RAB11FIP4: variants seen among roughly 807,000 people sequenced by gnomAD.
RAB11FIP4 encodes rab11 family-interacting protein 4.
RAB11FIP4 carries 23 observed loss-of-function variants against 74.3 expected under a neutral mutation model. That is an observed-to-expected ratio of 0.31 (90% CI 0.22 to 0.44). The LOEUF (loss-of-function observed/expected upper bound fraction) is 0.44. Ranked by LOEUF, RAB11FIP4 falls within the 20% of genes least tolerant of loss-of-function variation. The pLI is 1.00. For missense variants in RAB11FIP4, 630 were observed against 863.9 expected (o/e 0.73, Z 3.39); for synonymous variants, 360 against 359.9 (o/e 1.00, Z 0.00).
At chr17:31,437,284 G>A (rs1442525473) in intron 3 of RAB11FIP4, among the ~76,000 whole-genome samples, 2 of 152,150 alleles carry the variant, frequency 1.3e-5, no homozygotes, top group East Asian at 1.9e-4. Flanking sequence ...CCAGCCTGAC[G>A]GGGCAGACGG....
chr17:31,523,728 G>A (rs1420413374), intron 8 of RAB11FIP4, 117 bp downstream of exon 8: 8 of 1,131,792 alleles, frequency 7.1e-6, no homozygotes, highest in African/African-American at 1.5e-5. Context: ...TAGGAATTGG[G>A]GGCAGGTGGC....
chr17:31,504,940 A>G (rs528109152), intron 3 of RAB11FIP4, among the ~76,000 whole-genome samples: 32 of 152,250 alleles, frequency 2.1e-4, no homozygotes, highest in South Asian at 2.1e-4. Context: ...GCCTGCCTCA[A>G]CCTTTAGAAA....
intron 3 of RAB11FIP4, among the ~76,000 whole-genome samples, chr17:31,480,554 G>A (rs944381480): frequency 5.9e-5 from 9 of 152,176 alleles, no homozygotes; most frequent in Middle Eastern, 3.4e-3. Flanking sequence ...CTTTGAGGCC[G>A]AGGTGGGTGG....
intron 3 of RAB11FIP4, among the ~76,000 whole-genome samples, chr17:31,499,419 A>T (rs902510228): frequency 1.3e-5 from 2 of 151,894 alleles, no homozygotes; most frequent in African/African-American, 4.8e-5. Flanking sequence ...ACAGTGGCAC[A>T]GTCTCAGCTC....
intron 3 of RAB11FIP4, among the ~76,000 whole-genome samples, chr17:31,451,408 G>C (rs1410992261): frequency 6.8e-6 from 1 of 146,166 alleles, no homozygotes; most frequent in Non-Finnish European, 1.5e-5. Flanking sequence ...GCAGTGAGCC[G>C]AGATGGCGCC....
Position 31,535,255 on chromosome 17 carries a change from C to T in RAB11FIP4, c.*3523C>T, listed in dbSNP as rs1035776503. 5 of 119,748 alleles carry T rather than the reference C, an allele frequency of 4.2e-5. No individual in the cohort carries two copies. Among genetic ancestry groups the T allele is most frequent in the African/African-American group, 1.7e-4 (5 of 29,032 alleles). The allele number at this position is 119,748 out of a possible 1,614,324, so 7.4% of individuals were successfully genotyped here. Reference sequence around the variant, plus strand: ...GCAACATAGTGATACCTTGTCTCTACCAAAAGTTAAAAAAAAAAAAAAAAA... The same window carrying T: ...GCAACATAGTGATACCTTGTCTCTATCAAAAGTTAAAAAAAAAAAAAAAAA... On this transcript the variant is annotated 3_prime_UTR_variant, in exon 15 of 15. Transcript: ENST00000621161.
chr17:31,425,106 G>A (rs977098125), intron 1 of RAB11FIP4, among the ~76,000 whole-genome samples: 2 of 152,278 alleles, frequency 1.3e-5, no homozygotes, highest in South Asian at 2.1e-4. Context: ...CGTCTTCTAC[G>A]AACTGTGTGA....
At chr17:31,455,029 G>A (rs2071566045) in intron 3 of RAB11FIP4, among the ~76,000 whole-genome samples, 1 of 152,120 alleles carries the variant, frequency 6.6e-6, no homozygotes, top group Admixed American at 6.5e-5. Context: ...CTGTAGGGGA[G>A]GAAAAACTTC....
chr17:31,454,079 C>T (rs1351710189), intron 3 of RAB11FIP4, among the ~76,000 whole-genome samples: 1 of 152,118 alleles, frequency 6.6e-6, no homozygotes, highest in Admixed American at 6.5e-5. Context: ...GAATTGAGCC[C>T]ACCCCTTTGT....
intron 3 of RAB11FIP4, among the ~76,000 whole-genome samples, chr17:31,445,563 TATATATATATATA>T (rs2071450014): frequency 3.2e-4 from 4 of 12,476 alleles, no homozygotes; most frequent in African/African-American, 8.1e-4. Context: ...TATATATATA[TATATATATATATA>T]TATTTTTTTT....
intron 3 of RAB11FIP4, among the ~76,000 whole-genome samples, chr17:31,444,698 C>T (rs1203919708): frequency 2.6e-5 from 4 of 152,174 alleles, no homozygotes. Flanking sequence ...TAGAGCTTGA[C>T]AAAACCTTGG....
At chr17:31,515,741 A>G (rs1332650805) in intron 3 of RAB11FIP4, among the ~76,000 whole-genome samples, 1 of 152,130 alleles carries the variant, frequency 6.6e-6, no homozygotes, top group African/African-American at 2.4e-5. Context: ...GACATCTCCA[A>G]TGGGTCAGGT....
chr17:31,402,456 C>G (rs1033788093), intron 1 of RAB11FIP4, among the ~76,000 whole-genome samples: 1 of 152,114 alleles, frequency 6.6e-6, no homozygotes, highest in Non-Finnish European at 1.5e-5. Flanking sequence ...TTTGGATGAG[C>G]AGCAACACCT....
rs2071443858 is a variant in RAB11FIP4, at chr17:31,445,532, T to TA, written c.336+11410_336+11411insA. On this transcript the variant is annotated intron_variant, in intron 3 of 14. Coordinates refer to ENST00000621161, the MANE Select transcript of RAB11FIP4 (RefSeq NM_032932.6). ...AATCTACATTCAAATTTTCCCAATTTTATATATATATATATATATATATAT... is the reference window on the plus strand; with the variant it reads ...AATCTACATTCAAATTTTCCCAATTTATATATATATATATATATATATATAT... 9.8e-4 allele frequency among the ~76,000 whole-genome samples: 36 copies of TA among 36,590 alleles called. 2 individuals are homozygous for TA. The highest frequency in any genetic ancestry group is 6.0e-3 in the African/African-American group (36 of 5,958). The allele number at this position is 36,590 out of a possible 152,430, so 24.0% of individuals were successfully genotyped here. A position where few individuals can be genotyped will look rare whatever the true frequency, so the allele number is the denominator to read the frequency against.
intron 3 of RAB11FIP4, among the ~76,000 whole-genome samples, chr17:31,475,684 T>A (rs751955195): frequency 1.3e-5 from 2 of 152,224 alleles, no homozygotes; most frequent in Non-Finnish European, 2.9e-5. Flanking sequence ...AACGTGCATG[T>A]TCCCAGCTGA....
chr17:31,434,153 T>A, intron 3 of RAB11FIP4, 31 bp downstream of exon 3: 1 of 1,502,850 alleles, frequency 6.7e-7, no homozygotes, highest in Non-Finnish European at 9.0e-7. Flanking sequence ...AGGACCTCCA[T>A]GGCTCTGCCT....
intron 5 of RAB11FIP4, 53 bp downstream of exon 5, chr17:31,521,413 T>C: frequency 6.6e-7 from 1 of 1,509,198 alleles, no homozygotes; most frequent in East Asian, 2.4e-5. Flanking sequence ...AGAAGCAATT[T>C]AAGCACATCC....
At position 31,398,933 on chromosome 17, in the gene RAB11FIP4, C is replaced by T. The variant is rs141969776; in HGVS notation, c.159+6922C>T. Among the ~76,000 whole-genome samples, 1,129 of 152,262 alleles carry T rather than the reference C, an allele frequency of 7.4e-3. 11 individuals are homozygous for T. The highest frequency in any genetic ancestry group is 0.024 in the African/African-American group (994 of 41,516). ...CAGGGCCTCCACTGCCTGAGAAGTT[C>T]GGCACTGGGCAACACTGCCTTGGAG... On this transcript the variant is annotated intron_variant, in intron 1 of 14. Coordinates refer to ENST00000621161, the MANE Select transcript of RAB11FIP4 (RefSeq NM_032932.6).
intron 3 of RAB11FIP4, among the ~76,000 whole-genome samples, chr17:31,491,486 C>T (rs2072007505): frequency 6.6e-6 from 1 of 152,120 alleles, no homozygotes; most frequent in South Asian, 2.1e-4. Context: ...TGCTGGGTTT[C>T]AGAGTCAGAC....
Sources: allele counts gnomAD v4.1 joint callset (sites outside exome capture counted in the v4.1 genomes callset), GRCh38; gene constraint gnomAD v4.1.1; transcripts MANE v1.5; gene names NCBI Gene and HGNC (gene_info 2026-07-23, HGNC 2026-07-21).